The following C11orf91 variants were observed in gnomAD, a reference collection of about 807,000 sequenced individuals.
C11orf91 encodes the protein chromosome 11 open reading frame 91, also known as uncharacterized protein C11orf91.
C11orf91 carries 10 observed loss-of-function variants against 14.3 expected under a neutral mutation model. The ratio of observed to expected loss-of-function variants is 0.70; its 90% confidence interval spans 0.43 to 1.18. The LOEUF (loss-of-function observed/expected upper bound fraction) is 1.18, where lower values mean the gene tolerates loss of function less well. Among genes scored for constraint, C11orf91 ranks in the 50% most tolerant of loss-of-function variants. The pLI is 0.00. For synonymous variants in C11orf91, 141 were observed against 130.6 expected, an observed-to-expected ratio of 1.08 and a Z score of -0.54; for missense variants, 236 against 269.0, an observed-to-expected ratio of 0.88 and a Z score of 0.86.
upstream of C11orf91, chr11:33,703,191 G>C (rs960218460): frequency 1.3e-5 from 2 of 152,102 alleles, no homozygotes; most frequent in African/African-American, 4.8e-5. Flanking sequence ...ATAGCCAGGG[G>C]GTTAAATAAG....
At chr11:33,701,020 C>T (rs535344770), upstream of C11orf91, among the ~76,000 whole-genome samples, 2 of 152,348 alleles carry the variant, frequency 1.3e-5, no homozygotes, top group South Asian at 2.1e-4. Context: ...CCGCCCACCG[C>T]CTCGCTCTTG....
At chr11:33,699,555 G>C in intron 1 of C11orf91, 1 of 456,324 alleles carries the variant, frequency 2.2e-6, no homozygotes, top group Non-Finnish European at 4.4e-6. Flanking sequence ...CAACAGGGAG[G>C]AGTCATTCAG....
At chr11:33,703,135 C>T (rs1853164563), upstream of C11orf91, 1 of 152,064 alleles carries the variant, frequency 6.6e-6, no homozygotes, top group Admixed American at 6.6e-5. Context: ...ATAATCTAAA[C>T]AGATTTTACT....
upstream of C11orf91, among the ~76,000 whole-genome samples, chr11:33,701,780 T>TGTGTGTGTGTGTGTGTA (rs1564962776): frequency 6.6e-6 from 1 of 151,844 alleles, no homozygotes; most frequent in African/African-American, 2.4e-5. Context: ...TGTGTGTGTG[T>TGTGTGTGTGTGTGTGTA]GTAGCAGCAA....
At position 33,700,663 on chromosome 11, in the gene C11orf91, C is replaced by A; in HGVS notation, c.78G>T (p.Leu26=). ...RSAPPLYFPS[L]YDRGISSSPL... ...GGGACGAGGAGATGCCGCGGTCGTA[C>A]AGGGACGGGAAATAGAGGGGCGGAG... The change falls in exon 1 of 2, where the codon CTG becomes CTT. Residue 26 remains leucine, a synonymous_variant. Transcript: ENST00000379011. 6.8e-7 allele frequency: 1 copy of A among 1,467,352 alleles called. No individual in the cohort carries two copies. The highest frequency in any genetic ancestry group is 9.0e-7 in the Non-Finnish European group (1 of 1,112,778). 90.9% of individuals were successfully genotyped at this position (1,467,352 alleles called of 1,614,324 possible). A position where few individuals can be genotyped will look rare whatever the true frequency, so the allele number is the denominator to read the frequency against.
chr11:33,699,604 G>A (rs11606523), intron 1 of C11orf91: 8,188 of 456,270 alleles, frequency 0.018, 113 homozygotes, highest in Middle Eastern at 0.047. Flanking sequence ...CAGCACACGT[G>A]GTCCAGAGCC....
rs1313035191 is a variant in C11orf91 at position 33,700,773 on chromosome 11, C to G, written c.-33G>C. ...ATGAGGGTCTGCGTGGGAGGAACCC[C>G]GCGCCGGGAGACGCGCGCTCAGGCC... is the stretch of plus-strand genomic sequence containing the variant. On this transcript the variant is annotated 5_prime_UTR_variant, in exon 1 of 2. Transcript: ENST00000379011. The G allele has an allele frequency of 4.7e-5, 59 of 1,266,418 alleles. No individual in the cohort carries two copies. Among genetic ancestry groups the G allele is most frequent in the Non-Finnish European group, 5.5e-5 (55 of 1,007,298 alleles). The allele number at this position is 1,266,418 out of a possible 1,614,324, so 78.4% of individuals were successfully genotyped here.
At position 33,700,776 on chromosome 11, in the gene C11orf91, G is replaced by A; in HGVS notation, c.-36C>T. On this transcript the variant is annotated 5_prime_UTR_variant, in exon 1 of 2. Coordinates refer to ENST00000379011, the MANE Select transcript of C11orf91 (RefSeq NM_001166692.2). ...AGGGTCTGCGTGGGAGGAACCCCGC[G>A]CCGGGAGACGCGCGCTCAGGCCCCG... 1 of 1,265,696 alleles carries A rather than the reference G, an allele frequency of 7.9e-7. No homozygotes were observed. The highest frequency in any genetic ancestry group is 9.9e-7 in the Non-Finnish European group (1 of 1,007,106). The allele number at this position is 1,265,696 out of a possible 1,614,324, so 78.4% of individuals were successfully genotyped here. A position where few individuals can be genotyped will look rare whatever the true frequency, so the allele number is the denominator to read the frequency against.
At chr11:33,702,447 C>T (rs1853144110), upstream of C11orf91, among the ~76,000 whole-genome samples, 1 of 152,118 alleles carries the variant, frequency 6.6e-6, no homozygotes, top group South Asian at 2.1e-4. Context: ...AAGGCAGGAC[C>T]CTGTCTCAAA....
chr11:33,703,252 T>C (rs1464228997), upstream of C11orf91: 1 of 152,288 alleles, frequency 6.6e-6, no homozygotes, highest in East Asian at 1.9e-4. Flanking sequence ...AAAACTCAAG[T>C]GCCACAATGA....
upstream of C11orf91, chr11:33,705,574 G>C (rs993932576): frequency 6.6e-6 from 1 of 152,242 alleles, no homozygotes; most frequent in Non-Finnish European, 1.5e-5. Flanking sequence ...AGGGGCTCTT[G>C]GGCCTTTGGC....
upstream of C11orf91, chr11:33,702,987 T>C (rs569207514): frequency 1.3e-5 from 2 of 152,798 alleles, no homozygotes; most frequent in African/African-American, 4.8e-5. Flanking sequence ...ACATTAGCTC[T>C]TGTTATTACA....
At chr11:33,698,774 ATTTTT>A (rs55712821) in intron 1 of C11orf91, among the ~76,000 whole-genome samples, 147 of 104,594 alleles carry the variant, frequency 1.4e-3, no homozygotes, top group Middle Eastern at 6.9e-3. Flanking sequence ...TCTTCTTCTA[ATTTTT>A]TTTTTTTTTT....
chr11:33,705,416 C>T (rs1222931246), upstream of C11orf91: 1 of 152,264 alleles, frequency 6.6e-6, no homozygotes, highest in Non-Finnish European at 1.5e-5. Flanking sequence ...AATCGGTAGC[C>T]TCTTTGGTAT....
At chr11:33,699,617 A>C (rs983459938) in intron 1 of C11orf91, 5 of 455,866 alleles carry the variant, frequency 1.1e-5, no homozygotes, top group Non-Finnish European at 2.2e-5. Context: ...CCAGAGCCCT[A>C]AGACTTCAGA....
At chr11:33,702,111 A>G (rs1853137568), upstream of C11orf91, among the ~76,000 whole-genome samples, 1 of 152,124 alleles carries the variant, frequency 6.6e-6, no homozygotes, top group South Asian at 2.1e-4. Context: ...CATACAAGTG[A>G]TCACTAGGCT....
At chr11:33,698,708 C>G (rs1853066817) in intron 1 of C11orf91, among the ~76,000 whole-genome samples, 194 bp from the exon 2 acceptor site, 1 of 151,472 alleles carries the variant, frequency 6.6e-6, no homozygotes. Context: ...ACTGTACATG[C>G]AACACATCCA....
At chr11:33,698,773 A>G (rs2133496183) in intron 1 of C11orf91, among the ~76,000 whole-genome samples, 1 of 114,052 alleles carries the variant, frequency 8.8e-6, no homozygotes, top group East Asian at 2.3e-4. Flanking sequence ...TTCTTCTTCT[A>G]ATTTTTTTTT....
intron 1 of C11orf91, 57 bp from the exon 2 acceptor site, chr11:33,698,571 T>G (rs932360882): frequency 6.5e-6 from 8 of 1,232,384 alleles, no homozygotes; most frequent in Non-Finnish European, 9.2e-6. Flanking sequence ...TTCCTAACAC[T>G]TCCAAAGCAA....
Sources: allele counts gnomAD v4.1 joint callset (sites outside exome capture counted in the v4.1 genomes callset), GRCh38; gene constraint gnomAD v4.1.1; transcripts MANE v1.5; gene names NCBI Gene and HGNC (gene_info 2026-07-23, HGNC 2026-07-21).